Variants in KLRG1 observed in about 807,000 individuals in gnomAD.
KLRG1 encodes killer cell lectin-like receptor subfamily G member 1.
Under a neutral mutation model 21.8 loss-of-function variants are expected in KLRG1, and 16 were observed. That is an observed-to-expected ratio of 0.73 (90% CI 0.50 to 1.11). The LOEUF (loss-of-function observed/expected upper bound fraction) is 1.11, where lower values mean the gene tolerates loss of function less well. KLRG1 is among the 50% of genes most tolerant of loss of function. The pLI, the probability that KLRG1 is intolerant of heterozygous loss-of-function variation, is 0.00. For missense variants in KLRG1, 173 were observed against 218.3 expected (o/e 0.79, Z 1.31); for synonymous variants, 69 against 75.9 (o/e 0.91, Z 0.47).
At chr12:9,069,175 G>T in the KLRG1 span, 1 of 181,792 alleles carries the variant, frequency 5.5e-6, no homozygotes, top group East Asian at 1.4e-4. Context: ...CTGTCTTGCA[G>T]GAATACTTGC....
chr12:9,212,614 T>C, the KLRG1 span, among the ~76,000 whole-genome samples: 1 of 152,192 alleles, frequency 6.6e-6, no homozygotes, highest in Non-Finnish European at 1.5e-5. Flanking sequence ...AAAGAGTAGT[T>C]TTGTCTTAAA....
the KLRG1 span, chr12:9,109,429 T>C: frequency 1.3e-5 from 20 of 1,582,896 alleles, no homozygotes; most frequent in African/African-American, 2.3e-4. Context: ...ATAAAGAAGG[T>C]TGGTGATTGG....
At chr12:9,172,955 C>T in the KLRG1 span, among the ~76,000 whole-genome samples, 30 of 152,348 alleles carry the variant, frequency 2.0e-4, no homozygotes, top group Admixed American at 3.3e-4. Flanking sequence ...AGGACCTGAA[C>T]TCAACTCTGG....
At chr12:9,073,235 C>CT in the KLRG1 span, among the ~76,000 whole-genome samples, 1 of 152,212 alleles carries the variant, frequency 6.6e-6, no homozygotes, top group African/African-American at 2.4e-5. Flanking sequence ...TGCCACCACT[C>CT]AAGCAAAGTT....
the KLRG1 span, chr12:9,135,666 T>A: frequency 4.8e-6 from 1 of 206,644 alleles, no homozygotes; most frequent in Non-Finnish European, 9.5e-6. Flanking sequence ...TGGGGATGGA[T>A]TATGGAATTT....
At chr12:9,092,232 G>A in the KLRG1 span, among the ~76,000 whole-genome samples, 1 of 152,058 alleles carries the variant, frequency 6.6e-6, no homozygotes, top group African/African-American at 2.4e-5. Context: ...ACATACCCCT[G>A]GGAATAATTT....
chr12:8,975,654 C>T lies in KLRG1; in HGVS notation c.-155-16552C>T, dbSNP rs1044375493. 1.7e-4 allele frequency among the ~76,000 whole-genome samples: 26 copies of T among 152,058 alleles called. 1 individual carries two copies. Among genetic ancestry groups the T allele is most frequent in the African/African-American group, 6.0e-4 (25 of 41,398 alleles). On this transcript the variant is annotated intron_variant, in intron 1 of 4. Transcript: ENST00000539240. ...CCATGGCTCACTGCAGCCTTGACTT[C>T]CCAGGCTCAAGTAATTCTCCCATGC... is the stretch of plus-strand genomic sequence containing the variant.
At chr12:9,174,022 A>C in the KLRG1 span, among the ~76,000 whole-genome samples, 1 of 152,156 alleles carries the variant, frequency 6.6e-6, no homozygotes, top group Non-Finnish European at 1.5e-5. Flanking sequence ...GAGTCACAAC[A>C]AAAAAAGAAA....
At chr12:9,166,096 T>C in the KLRG1 span, 1 of 1,612,730 alleles carries the variant, frequency 6.2e-7, no homozygotes, top group South Asian at 1.1e-5. Flanking sequence ...GAAAATAGCT[T>C]CGCACCGTTT....
At chr12:9,053,095 C>G in the KLRG1 span, among the ~76,000 whole-genome samples, 1 of 152,134 alleles carries the variant, frequency 6.6e-6, no homozygotes, top group Admixed American at 6.5e-5. Context: ...GTGTGGGTTT[C>G]CTCTGGGCAC....
At chr12:9,089,684 T>A in the KLRG1 span, among the ~76,000 whole-genome samples, 1 of 152,090 alleles carries the variant, frequency 6.6e-6, no homozygotes, top group Non-Finnish European at 1.5e-5. Context: ...GAGGTTGCAG[T>A]GAGCAGAGAT....
chr12:9,116,584 A>G, the KLRG1 span, among the ~76,000 whole-genome samples: 220 of 152,066 alleles, frequency 1.4e-3, no homozygotes, highest in Non-Finnish European at 2.8e-3. Flanking sequence ...TTTACCATCG[A>G]CTACACAGAC....
chr12:9,142,617 A>G, the KLRG1 span, among the ~76,000 whole-genome samples: 1 of 152,198 alleles, frequency 6.6e-6, no homozygotes, highest in African/African-American at 2.4e-5. Flanking sequence ...TTAAATAGAC[A>G]TTGCACACCT....
At chr12:8,961,824 G>A (rs187842799) in intron 1 of KLRG1, among the ~76,000 whole-genome samples, 2 of 152,292 alleles carry the variant, frequency 1.3e-5, no homozygotes, top group Middle Eastern at 3.4e-3. Context: ...GGTGGCTGTC[G>A]TCTGTAATCC....
chr12:9,068,948 C>T, the KLRG1 span: 3 of 713,214 alleles, frequency 4.2e-6, no homozygotes, highest in Admixed American at 2.8e-5. Context: ...TATTATCCTA[C>T]AGCACACTAT....
chr12:9,104,768 C>A, the KLRG1 span, among the ~76,000 whole-genome samples: 2 of 152,116 alleles, frequency 1.3e-5, no homozygotes, highest in African/African-American at 4.8e-5. Flanking sequence ...AGTCACAGAG[C>A]ACTAGAGTAA....
chr12:9,093,456 GTTACTTACT>G, the KLRG1 span: 1 of 1,600,040 alleles, frequency 6.2e-7, no homozygotes, highest in Non-Finnish European at 8.6e-7. Flanking sequence ...TATGCAGGAA[GTTACTTACT>G]TTACCACCAC....
chr12:8,965,292 T>C (rs1946449572), intron 1 of KLRG1, among the ~76,000 whole-genome samples: 1 of 152,108 alleles, frequency 6.6e-6, no homozygotes, highest in African/African-American at 2.4e-5. Flanking sequence ...AGGGATGCCC[T>C]CTCTCACCAC....
At chr12:9,096,029 G>C in the KLRG1 span, among the ~76,000 whole-genome samples, 1 of 152,034 alleles carries the variant, frequency 6.6e-6, no homozygotes, top group Non-Finnish European at 1.5e-5. Context: ...AAAGTGCTGG[G>C]ATTACAGGCG....
Sources: allele counts gnomAD v4.1 joint callset (sites outside exome capture counted in the v4.1 genomes callset), GRCh38; gene constraint gnomAD v4.1.1; transcripts MANE v1.5; gene names NCBI Gene and HGNC (gene_info 2026-07-23, HGNC 2026-07-21).